The following CEP192 variants were observed in gnomAD, a reference collection of about 807,000 sequenced individuals.
CEP192 encodes centrosomal protein 192.
A neutral mutation model predicts 271.8 loss-of-function variants in CEP192; 151 were observed. That is an observed-to-expected ratio of 0.56 (90% CI 0.49 to 0.64). CEP192 has a LOEUF of 0.64. Among genes scored for constraint, CEP192 ranks in the 30% least tolerant of loss-of-function variants. The probability of loss-of-function intolerance (pLI) is 0.00; values close to 1 mark genes in which losing one functional copy is unlikely to be tolerated. For missense variants in CEP192, 2,910 were observed against 3,020.5 expected (o/e 0.96, Z 0.86); for synonymous variants, 995 against 1,076.5 (o/e 0.92, Z 1.48).
At chr18:13,051,794 C>T (rs1192309686) in intron 17 of CEP192, among the ~76,000 whole-genome samples, 1 of 152,220 alleles carries the variant, frequency 6.6e-6, no homozygotes, top group African/African-American at 2.4e-5. Context: ...CCACCCTCCT[C>T]GGCCTCCCAA....
At chr18:13,089,589 TG>T in intron 33 of CEP192, 24 bp downstream of exon 33, 1 of 1,143,460 alleles carries the variant, frequency 8.7e-7, no homozygotes, top group Non-Finnish European at 1.3e-6. Flanking sequence ...CGTGTCTTGA[TG>T]TATTAAATCT....
chr18:13,110,954 T>C (rs2040182642), intron 40 of CEP192, among the ~76,000 whole-genome samples: 1 of 152,234 alleles, frequency 6.6e-6, no homozygotes, highest in Admixed American at 6.5e-5. Context: ...TCTAGCCTGC[T>C]GGCAGCTGAT....
chr18:13,009,147 C>T (rs996348593), intron 4 of CEP192, among the ~76,000 whole-genome samples: 4 of 151,900 alleles, frequency 2.6e-5, no homozygotes, highest in African/African-American at 9.7e-5. Context: ...CATGCATCGT[C>T]ACTCCTGGCT....
intron 15 of CEP192, among the ~76,000 whole-genome samples, chr18:13,045,936 A>T (rs1291788936): frequency 6.6e-6 from 1 of 152,094 alleles, no homozygotes; most frequent in Non-Finnish European, 1.5e-5. Flanking sequence ...GTATCTTTAT[A>T]TTTCAGATGT....
At chr18:12,992,743 C>T (rs2032950843) in intron 1 of CEP192, among the ~76,000 whole-genome samples, 2 of 152,134 alleles carry the variant, frequency 1.3e-5, no homozygotes, top group South Asian at 4.1e-4. Context: ...ACCTTTGCAC[C>T]CTTAGCAAAG....
chr18:13,066,455 A>G (rs2037704557), intron 21 of CEP192, among the ~76,000 whole-genome samples: 1 of 152,172 alleles, frequency 6.6e-6, no homozygotes, highest in Admixed American at 6.5e-5. Context: ...AAAAATTTTT[A>G]ATGTGAGCTC....
At chr18:13,096,526 C>A (rs1250433910) in intron 36 of CEP192, among the ~76,000 whole-genome samples, 2 of 152,166 alleles carry the variant, frequency 1.3e-5, no homozygotes, top group Admixed American at 1.3e-4. Context: ...TGCTGTCACC[C>A]AGGAGGGTAA....
rs111276548 is a variant in CEP192 at position 13,053,150 on chromosome 18, A to G, written c.3189+60A>G. On this transcript the variant is annotated intron_variant, in intron 18 of 44. Transcript: ENST00000506447. ...TTTCAACTCTTAAAAGTGTTAACAG[A>G]TGTTTGATTCAGACTACAGTTCAAG... The G allele has an allele frequency of 2.7e-3, 3,761 of 1,374,100 alleles. 36 individuals carry two copies. Among genetic ancestry groups the G allele is most frequent in the African/African-American group, 0.022 (1,554 of 69,616 alleles). 85.1% of individuals were successfully genotyped at this position (1,374,100 alleles called of 1,614,324 possible).
At chr18:13,074,200 A>G (rs1293126796) in intron 30 of CEP192, among the ~76,000 whole-genome samples, 1 of 152,186 alleles carries the variant, frequency 6.6e-6, no homozygotes, top group Non-Finnish European at 1.5e-5. Context: ...AATATCTAAA[A>G]GTTTTTAGAA....
chr18:13,071,135 A>G lies in CEP192; in HGVS notation c.5271A>G (p.Gly1757=), dbSNP rs767134660. Residue 1757 remains glycine (G), a synonymous_variant, in exon 28 of 45, where the codon GGA becomes GGG. Coordinates refer to ENST00000506447, the MANE Select transcript of CEP192 (RefSeq NM_032142.4). The stretch of plus-strand genomic sequence containing the variant: ...CAGGAAGTAAACCTCTGTCACCTGG[A>G]CCTTGCTTAGATATTCCATCGATTT... The part of the protein sequence containing the change: ...ISSGSKPLSP[G]PCLDIPSILS... 9.3e-6 allele frequency: 15 copies of G among 1,614,024 alleles called. No individual in the cohort carries two copies. In the African/African-American group the frequency reaches 1.1e-4, roughly 11 times the overall value.
At chr18:13,087,454 C>A in intron 31 of CEP192, 77 bp from the exon 32 acceptor site, 3 of 949,172 alleles carry the variant, frequency 3.2e-6, no homozygotes, top group Non-Finnish European at 3.1e-6. Flanking sequence ...TTTTTAGGCT[C>A]GTAAGATTGT....
chr18:13,050,950 T>A (rs530420193), intron 17 of CEP192, among the ~76,000 whole-genome samples: 1 of 152,350 alleles, frequency 6.6e-6, no homozygotes, highest in South Asian at 2.1e-4. Context: ...GGCTGTGACA[T>A]GGTGTAGTAT....
chr18:13,074,344 G>A (rs772364480), intron 30 of CEP192, among the ~76,000 whole-genome samples: 3 of 152,158 alleles, frequency 2.0e-5, no homozygotes, highest in African/African-American at 7.2e-5. Context: ...AAAAACTGGC[G>A]TCCTTCCATG....
chr18:13,098,892 T>C (rs1236395542), intron 36 of CEP192, among the ~76,000 whole-genome samples: 1 of 152,080 alleles, frequency 6.6e-6, no homozygotes, highest in Non-Finnish European at 1.5e-5. Flanking sequence ...TGGGCACCAT[T>C]GAGCACTGAG....
intron 8 of CEP192, among the ~76,000 whole-genome samples, 188 bp from the exon 9 acceptor site, chr18:13,018,894 A>G (rs1417007677): frequency 1.3e-5 from 2 of 152,192 alleles, no homozygotes; most frequent in South Asian, 2.1e-4. Flanking sequence ...TGGGTATGGT[A>G]GCAGTTTATC....
intron 40 of CEP192, among the ~76,000 whole-genome samples, chr18:13,110,822 G>A (rs2145036112): frequency 6.6e-6 from 1 of 152,326 alleles, no homozygotes; most frequent in Non-Finnish European, 1.5e-5. Flanking sequence ...TGCAAAGGCT[G>A]AAGAACTTGG....
At chr18:12,995,788 A>T (rs1180969439) in intron 1 of CEP192, among the ~76,000 whole-genome samples, 1 of 152,232 alleles carries the variant, frequency 6.6e-6, no homozygotes, top group Non-Finnish European at 1.5e-5. Flanking sequence ...CATTTGCACA[A>T]AGAACTGAAA....
intron 21 of CEP192, among the ~76,000 whole-genome samples, chr18:13,063,722 T>C (rs1238706111): frequency 6.6e-6 from 1 of 152,172 alleles, no homozygotes; most frequent in Non-Finnish European, 1.5e-5. Context: ...TTTAGCTTGA[T>C]GTGATCCCAT....
At chr18:13,043,421 A>G (rs1451473059) in intron 15 of CEP192, among the ~76,000 whole-genome samples, 3 of 152,202 alleles carry the variant, frequency 2.0e-5, no homozygotes, top group Admixed American at 6.5e-5. Flanking sequence ...ATCAAATACC[A>G]TGACATCGTG....
Sources: allele counts gnomAD v4.1 joint callset (sites outside exome capture counted in the v4.1 genomes callset), GRCh38; gene constraint gnomAD v4.1.1; transcripts MANE v1.5; gene names NCBI Gene and HGNC (gene_info 2026-07-23, HGNC 2026-07-21).